VPS13D: variants seen among roughly 807,000 people sequenced by gnomAD.
VPS13D encodes vacuolar protein sorting 13 homolog D.
In VPS13D, 187 loss-of-function variants were observed where a neutral mutation model predicts 461.9. The observed-to-expected ratio is 0.40, with a 90% CI of 0.36 to 0.46. VPS13D has a LOEUF of 0.46. Ranked by LOEUF, VPS13D falls within the 20% of genes least tolerant of loss-of-function variation. The pLI is 0.60. For missense variants in VPS13D, 4,711 were observed against 5,364.9 expected (o/e 0.88, Z 3.81); for synonymous variants, 1,951 against 1,986.3 (o/e 0.98, Z 0.47).
In VPS13D at chr1:12,308,535, A is replaced by G. The variant is rs1246242536; in HGVS notation, c.6544A>G (p.Ser2182Gly). The G allele has an allele frequency of 1.9e-6, 3 of 1,613,974 alleles. No individual in the cohort carries two copies. Among genetic ancestry groups the G allele is most frequent in the Non-Finnish European group, 2.5e-6 (3 of 1,180,018 alleles). ...AGAATACTCGAAGGCACCAGAGGAT[A>G]GTAGTGGAGATCTGATCTTCCCTTC... Reference protein sequence around the residue: ...PREYSKAPEDSSGDLIFPSYF... With the variant: ...PREYSKAPEDGSGDLIFPSYF... The change falls in exon 27 of 70, where the codon AGT becomes GGT. Residue 2182 changes from serine (S) to glycine (G), a missense_variant. Physicochemically the swap from Ser to Gly is moderately conservative, Grantham distance 56 (BLOSUM62 0). Around this residue, in one of 3 missense-constraint regions of VPS13D, gnomAD observed 4,411 missense variants for 4,937.8 expected, o/e 0.89. Transcript: ENST00000620676.
chr1:12,265,370 C>A (rs956482572), intron 13 of VPS13D, among the ~76,000 whole-genome samples: 4 of 152,156 alleles, frequency 2.6e-5, no homozygotes, highest in Non-Finnish European at 4.4e-5. Context: ...AACTCCTGGC[C>A]TCAAACGATC....
intron 63 of VPS13D, among the ~76,000 whole-genome samples, chr1:12,414,710 C>A (rs1358043206): frequency 6.6e-6 from 1 of 152,090 alleles, no homozygotes; most frequent in East Asian, 1.9e-4. Context: ...TTATTGTGTT[C>A]ACTTTGGGAA....
chr1:12,298,410 C>T (rs534463048), intron 24 of VPS13D, among the ~76,000 whole-genome samples: 8 of 152,216 alleles, frequency 5.3e-5, no homozygotes, highest in Admixed American at 1.3e-4. Flanking sequence ...GAGGCCAAGA[C>T]GGGTGGATCA....
At chr1:12,309,270 G>A (rs965385906) in intron 27 of VPS13D, among the ~76,000 whole-genome samples, 1 of 148,282 alleles carries the variant, frequency 6.7e-6, no homozygotes, top group African/African-American at 2.5e-5. Context: ...GAGTATAGTG[G>A]CGAGATCTCA....
Position 12,276,679 on chromosome 1 carries a change from C to G in VPS13D, c.3091C>G (p.Pro1031Ala). Residue 1031 changes from proline to alanine, a missense_variant, in exon 19 of 70, where the codon CCA (proline) becomes GCA (alanine). By Grantham distance (27) the Pro-to-Ala change is conservative (BLOSUM62 -1). Transcript: ENST00000620676. This position sits in a 1 kb window ranked among gnomAD's most constrained non-coding sequence, Gnocchi z 4.5. ...ASHKNLSFDI[P>A]TGSLRDSRAQ... ...ACATAAGAACTTGAGCTTTGATATT[C>G]CAACGGGAAGCCTTCGGGATAGCAG... 1 of 1,614,144 alleles carries G rather than the reference C, an allele frequency of 6.2e-7. No homozygotes were observed. Among genetic ancestry groups the G allele is most frequent in the Middle Eastern group, 1.6e-4 (1 of 6,062 alleles).
chr1:12,376,574 G>C (rs1173872125), intron 55 of VPS13D, among the ~76,000 whole-genome samples: 1 of 152,222 alleles, frequency 6.6e-6, no homozygotes, highest in African/African-American at 2.4e-5. Flanking sequence ...GAGGCTCTAA[G>C]AGATTAAGTA....
intron 9 of VPS13D, 95 bp downstream of exon 9, chr1:12,257,182 G>A: frequency 9.1e-7 from 1 of 1,102,370 alleles, no homozygotes; most frequent in Non-Finnish European, 1.4e-6. Flanking sequence ...CTTTACCCAT[G>A]TTTGGAGATA....
Position 12,314,205 on chromosome 1 carries a change from T to G in VPS13D, c.7026T>G (p.Phe2342Leu). 6.2e-7 allele frequency: 1 copy of G among 1,614,228 alleles called. No individual in the cohort carries two copies. Among genetic ancestry groups the G allele is most frequent in the Non-Finnish European group, 8.5e-7 (1 of 1,180,024 alleles). ...INLVSHSMMAFDTRYAGQKTS... is the reference protein window; with the variant it reads ...INLVSHSMMALDTRYAGQKTS... Reference sequence around the variant, plus strand: ...TGGTTTCCCATTCCATGATGGCTTTTGACACCCGTTATGCTGGGCAGAAGA... The same window carrying G: ...TGGTTTCCCATTCCATGATGGCTTTGGACACCCGTTATGCTGGGCAGAAGA... Residue 2342 changes from phenylalanine to leucine, a missense_variant, in exon 30 of 70, where the codon TTT becomes TTG. Phe to Leu is a conservative substitution (Grantham distance 22, BLOSUM62 0). Coordinates refer to ENST00000620676, the MANE Select transcript of VPS13D (RefSeq NM_015378.4).
At chr1:12,370,710 A>G (rs993783736) in intron 54 of VPS13D, among the ~76,000 whole-genome samples, 10 of 152,266 alleles carry the variant, frequency 6.6e-5, no homozygotes, top group African/African-American at 2.4e-4. Context: ...TTTAAAGATT[A>G]TGGCACTTAA....
intron 55 of VPS13D, among the ~76,000 whole-genome samples, chr1:12,378,124 C>T (rs1006729275): frequency 6.6e-6 from 1 of 152,022 alleles, no homozygotes; most frequent in African/African-American, 2.4e-5. Flanking sequence ...GGCTGCCCCG[C>T]CATTTGTTTC....
At chr1:12,456,467 A>G (rs2100399730) in intron 66 of VPS13D, among the ~76,000 whole-genome samples, 1 of 152,042 alleles carries the variant, frequency 6.6e-6, no homozygotes, top group South Asian at 2.1e-4. Flanking sequence ...GTGGAACCCC[A>G]TCTCTATCAA....
intron 57 of VPS13D, among the ~76,000 whole-genome samples, chr1:12,380,374 C>CGAAT (rs542792719): frequency 1.8e-3 from 273 of 152,288 alleles, no homozygotes; most frequent in Non-Finnish European, 3.3e-3. Flanking sequence ...GGTGAGCATT[C>CGAAT]GCCAGGCATC....
intron 57 of VPS13D, among the ~76,000 whole-genome samples, chr1:12,381,927 TTTCTTTCTTTC>T (rs1255079095): frequency 0.023 from 671 of 28,772 alleles, 13 homozygotes; most frequent in Middle Eastern, 0.087. Context: ...TTTTCTTTTC[TTTCTTTCTTTC>T]TTTCTTTCTT....
chr1:12,233,631 G>A (rs886187199), intron 1 of VPS13D, among the ~76,000 whole-genome samples: 1 of 152,234 alleles, frequency 6.6e-6, no homozygotes, highest in Non-Finnish European at 1.5e-5. Context: ...GCTTTGAATT[G>A]TAGGTAATTT....
rs548977805 is a variant in VPS13D, at chr1:12,283,792, G to A, written c.5634+56G>A. Reference sequence around the variant, plus strand: ...CTCTAAAAATGGATTTGGGCTTGTTGATTTAAATACAAGCACTTTACATTT... The same window carrying A: ...CTCTAAAAATGGATTTGGGCTTGTTAATTTAAATACAAGCACTTTACATTT... On this transcript the variant is annotated intron_variant, in intron 21 of 69. Coordinates refer to ENST00000620676, the MANE Select transcript of VPS13D (RefSeq NM_015378.4). 5.4e-6 allele frequency: 8 copies of A among 1,492,566 alleles called. No individual in the cohort carries two copies. The South Asian group carries it at 9.1e-5, about 17-fold the overall frequency. 92.5% of individuals were successfully genotyped at this position (1,492,566 alleles called of 1,614,324 possible). A position where few individuals can be genotyped will look rare whatever the true frequency, so the allele number is the denominator to read the frequency against.
intron 52 of VPS13D, among the ~76,000 whole-genome samples, chr1:12,366,397 A>G (rs1644035214): frequency 6.6e-6 from 1 of 152,122 alleles, no homozygotes; most frequent in African/African-American, 2.4e-5. Context: ...CCTATTGGGT[A>G]GGGCTCTAGC....
At chr1:12,455,848 G>A (rs1645318967) in intron 65 of VPS13D, 150 bp from the exon 66 acceptor site, 2 of 940,446 alleles carry the variant, frequency 2.1e-6, no homozygotes, top group Non-Finnish European at 2.9e-6. Flanking sequence ...GAGCCTGGGA[G>A]GCGGAGGTTG....
chr1:12,333,214 G>A lies in VPS13D; in HGVS notation c.8288-12G>A. The A allele has an allele frequency of 1.2e-6, 2 of 1,612,652 alleles. No homozygotes were observed. Among genetic ancestry groups the A allele is most frequent in the Non-Finnish European group, 1.7e-6 (2 of 1,179,400 alleles). On this transcript the variant is annotated splice_polypyrimidine_tract_variant and intron_variant, in intron 37 of 69. Transcript: ENST00000620676. ...CTGCTGAACAGATGTCTTATTTCCTGTGTTCTTTTAGGCTGGGAGCCATTT... is the reference window on the plus strand; with the variant it reads ...CTGCTGAACAGATGTCTTATTTCCTATGTTCTTTTAGGCTGGGAGCCATTT...
chr1:12,320,912 A>G (rs1431323584), intron 32 of VPS13D, among the ~76,000 whole-genome samples: 1 of 152,200 alleles, frequency 6.6e-6, no homozygotes, highest in African/African-American at 2.4e-5. Flanking sequence ...TCATCAGGGG[A>G]GAATTTATAA....
Sources: gnomAD v4.1 joint callset for allele counts (sites outside exome capture counted in the v4.1 genomes callset) on GRCh38, gnomAD v4.1.1 for gene constraint, gnomAD v4.1.1 regional missense constraint, Gnocchi (gnomAD v3.1) non-coding constraint, MANE v1.5 for transcripts, NCBI Gene and HGNC (gene_info 2026-07-23, HGNC 2026-07-21) for gene names.